Variants in GSTCD observed in about 807,000 individuals in gnomAD.
GSTCD encodes the protein glutathione S-transferase C-terminal domain-containing protein.
A neutral mutation model predicts 68.3 loss-of-function variants in GSTCD; 44 were observed. That is an observed-to-expected ratio of 0.64 (90% confidence interval 0.51 to 0.83). GSTCD has a LOEUF of 0.83. Ranked by LOEUF, GSTCD falls within the 40% of genes least tolerant of loss-of-function variation. The probability of loss-of-function intolerance (pLI) is 0.00; values close to 1 mark genes in which losing one functional copy is unlikely to be tolerated. For missense variants in GSTCD, 739 were observed against 735.9 expected (o/e 1.00, Z -0.05); for synonymous variants, 273 against 255.2 (o/e 1.07, Z -0.67).
At chr4:105,770,130 G>T (rs1210450096) in intron 5 of GSTCD, among the ~76,000 whole-genome samples, 1 of 152,138 alleles carries the variant, frequency 6.6e-6, no homozygotes, top group East Asian at 1.9e-4. Flanking sequence ...AGAAGAAAAA[G>T]CTTGCTTTGA....
At chr4:105,814,568 T>C (rs1258535097) in intron 5 of GSTCD, among the ~76,000 whole-genome samples, 1 of 151,850 alleles carries the variant, frequency 6.6e-6, no homozygotes, top group African/African-American at 2.4e-5. Context: ...GCTGAGATAG[T>C]GCCATTACAC....
In GSTCD at chr4:105,823,251, T is replaced by G. The variant is rs1384494932; in HGVS notation, c.1377T>G (p.Leu459=). The G allele has an allele frequency of 3.7e-6, 6 of 1,613,862 alleles. No homozygotes were observed. The highest frequency in any genetic ancestry group is 5.1e-6 in the Non-Finnish European group (6 of 1,179,776). Residue 459 remains leucine (L), a synonymous_variant, in exon 7 of 12, where the codon CTT becomes CTG. Transcript: ENST00000515279. ...CSGGGHVGIV[L]AHMLPSCQVT... ...TTCAGGGCCATGTTGGAATTGTCCT[T>G]GCTCACATGCTGCCATCATGTCAGG...
chr4:105,784,307 G>T (rs768960413), intron 5 of GSTCD, among the ~76,000 whole-genome samples: 1 of 152,140 alleles, frequency 6.6e-6, no homozygotes, highest in Non-Finnish European at 1.5e-5. Flanking sequence ...ATCTGGTGAG[G>T]GTCATCCCAT....
chr4:105,792,503 G>A (rs1265696613), intron 5 of GSTCD, among the ~76,000 whole-genome samples: 1 of 151,922 alleles, frequency 6.6e-6, no homozygotes, highest in African/African-American at 2.4e-5. Flanking sequence ...ACATTGACCT[G>A]GAGAAATCAG....
At chr4:105,841,590 C>T (rs1724340717) in intron 10 of GSTCD, among the ~76,000 whole-genome samples, 1 of 151,964 alleles carries the variant, frequency 6.6e-6, no homozygotes. Flanking sequence ...AATCACAGGA[C>T]TTTGGAAGGC....
At chr4:105,760,366 C>T (rs1022329880) in intron 5 of GSTCD, among the ~76,000 whole-genome samples, 2 of 152,014 alleles carry the variant, frequency 1.3e-5, no homozygotes, top group Non-Finnish European at 2.9e-5. Context: ...GGAATAGATG[C>T]CTTTTATAAC....
intron 5 of GSTCD, among the ~76,000 whole-genome samples, chr4:105,740,616 C>T (rs1467565887): frequency 2.6e-5 from 4 of 152,112 alleles, no homozygotes; most frequent in Admixed American, 2.0e-4. Flanking sequence ...ATTCTTTAAA[C>T]GTTTTTTCAT....
intron 5 of GSTCD, among the ~76,000 whole-genome samples, chr4:105,795,362 G>T (rs1003303684): frequency 2.0e-5 from 3 of 151,638 alleles, no homozygotes; most frequent in African/African-American, 4.9e-5. Flanking sequence ...TAGTGCTTTT[G>T]TTCTGATTAA....
intron 5 of GSTCD, among the ~76,000 whole-genome samples, chr4:105,796,933 C>T (rs1462043080): frequency 6.6e-6 from 1 of 152,106 alleles, no homozygotes; most frequent in Non-Finnish European, 1.5e-5. Flanking sequence ...GAAGTTCCTG[C>T]AGTCACCAGG....
At chr4:105,760,899 C>T in intron 5 of GSTCD, 1 of 273,832 alleles carries the variant, frequency 3.7e-6, no homozygotes, top group Non-Finnish European at 6.9e-6. Flanking sequence ...TGTTATGGGG[C>T]ATTGTTTTCT....
chr4:105,743,461 A>G (rs893520372), intron 5 of GSTCD, among the ~76,000 whole-genome samples: 2 of 151,814 alleles, frequency 1.3e-5, no homozygotes, highest in East Asian at 1.9e-4. Context: ...TATCTAGGCA[A>G]CTCTTTAAAT....
At chr4:105,718,526 A>G (rs1383064995) in intron 2 of GSTCD, among the ~76,000 whole-genome samples, 2 of 152,200 alleles carry the variant, frequency 1.3e-5, no homozygotes, top group Non-Finnish European at 2.9e-5. Flanking sequence ...CCATGAGCCA[A>G]ATAAACCTCT....
intron 5 of GSTCD, among the ~76,000 whole-genome samples, chr4:105,787,780 C>A (rs1186028238): frequency 1.3e-5 from 2 of 151,940 alleles, no homozygotes; most frequent in African/African-American, 4.8e-5. Context: ...TTTTTCCCCC[C>A]TTGGGAGCTA....
At chr4:105,746,170 A>ACCAATAAATATGT (rs1352107471) in intron 5 of GSTCD, 3 of 152,190 alleles carry the variant, frequency 2.0e-5, no homozygotes, top group Admixed American at 2.0e-4. Flanking sequence ...TAACCTAAAC[A>ACCAATAAATATGT]GTTGATTGAC....
rs1296583385 is a variant in GSTCD, at chr4:105,791,371, C to G, written c.1241-31583C>G. Among the ~76,000 whole-genome samples, 21 of 122,750 alleles carry G rather than the reference C, an allele frequency of 1.7e-4. 1 individual carries two copies. The highest frequency in any genetic ancestry group is 3.0e-4 in the Admixed American group (3 of 10,008). 80.5% of individuals were successfully genotyped at this position (122,750 alleles called of 152,430 possible). On this transcript the variant is annotated intron_variant, in intron 5 of 11. Coordinates refer to ENST00000515279, the MANE Select transcript of GSTCD (RefSeq NM_001370181.1). ...TCGCGCCACTGCACTCCAGCCTGGG[C>G]AACAGAGCGAGACTCCGTCTCAAAA...
Position 105,762,462 on chromosome 4 carries a change from G to A in GSTCD, c.1240+32963G>A, listed in dbSNP as rs755774433. On this transcript the variant is annotated intron_variant, in intron 5 of 11. Transcript: ENST00000515279. Reference sequence around the variant, plus strand: ...ATGGAAAATGATTCCTGGGTAGATAGGTCTAAGTGGATGCAGTTTTGTACC... The same window carrying A: ...ATGGAAAATGATTCCTGGGTAGATAAGTCTAAGTGGATGCAGTTTTGTACC... Among the ~76,000 whole-genome samples, 199 of 152,280 alleles carry A rather than the reference G, an allele frequency of 1.3e-3. 2 individuals carry two copies. The highest frequency in any genetic ancestry group is 5.3e-3 in the Admixed American group (81 of 15,284).
At chr4:105,790,472 T>C (rs890680561) in intron 5 of GSTCD, among the ~76,000 whole-genome samples, 1 of 152,050 alleles carries the variant, frequency 6.6e-6, no homozygotes, top group African/African-American at 2.4e-5. Context: ...GATTTTTGTC[T>C]GTAAAAAAAT....
intron 5 of GSTCD, among the ~76,000 whole-genome samples, chr4:105,752,140 G>C (rs530007428): frequency 5.3e-5 from 8 of 152,034 alleles, no homozygotes; most frequent in Non-Finnish European, 1.2e-4. Flanking sequence ...GGCTTACTGG[G>C]TTTCTCTCTC....
intron 5 of GSTCD, among the ~76,000 whole-genome samples, chr4:105,742,257 T>G (rs1369190981): frequency 6.6e-6 from 1 of 152,200 alleles, no homozygotes; most frequent in African/African-American, 2.4e-5. Context: ...TATCTACCAT[T>G]CCTTGAACTT....
Sources: allele counts gnomAD v4.1 joint callset (sites outside exome capture counted in the v4.1 genomes callset), GRCh38; gene constraint gnomAD v4.1.1; transcripts MANE v1.5; gene names NCBI Gene and HGNC (gene_info 2026-07-23, HGNC 2026-07-21).